ARIH1: variants seen among roughly 807,000 people sequenced by gnomAD.
ARIH1 encodes the protein ariadne RBR E3 ubiquitin protein ligase 1.
In ARIH1, 8 loss-of-function variants were observed where a neutral mutation model predicts 85.0. The observed-to-expected ratio is 0.09, with a 90% CI of 0.06 to 0.17. The LOEUF (loss-of-function observed/expected upper bound fraction) is 0.17. ARIH1 is among the 10% of genes least tolerant of loss of function. ARIH1 has a pLI of 1.00. For synonymous variants in ARIH1, 238 were observed against 253.6 expected, an observed-to-expected ratio of 0.94 and a Z score of 0.59; for missense variants, 311 against 718.1, an observed-to-expected ratio of 0.43 and a Z score of 6.48.
At position 72,544,866 on chromosome 15, in the gene ARIH1, A is replaced by G; in HGVS notation, c.490A>G (p.Ile164Val). The G allele has an allele frequency of 6.2e-7, 1 of 1,613,690 alleles. No individual in the cohort carries two copies. The highest frequency in any genetic ancestry group is 8.5e-7 in the Non-Finnish European group (1 of 1,179,652). Residue 164 changes from isoleucine to valine, a missense_variant, in exon 3 of 14, where the codon ATT (isoleucine) becomes GTT (valine). Around this residue, in one of 3 missense-constraint regions of ARIH1, gnomAD observed 104 missense variants for 221.4 expected, o/e 0.47. Coordinates refer to ENST00000379887, the MANE Select transcript of ARIH1 (RefSeq NM_005744.5). Reference protein sequence around the residue: ...LEKLFAECHVINPSKKSRTRQ... With the variant: ...LEKLFAECHVVNPSKKSRTRQ... ...GAAGCTCTTTGCTGAGTGTCATGTA[A>G]TTAATCCAAGTAAAAAGTCTCGAAC...
At chr15:72,520,173 CT>C (rs1331348569) in intron 2 of ARIH1, among the ~76,000 whole-genome samples, 2 of 152,126 alleles carry the variant, frequency 1.3e-5, no homozygotes, top group Non-Finnish European at 2.9e-5. Flanking sequence ...TTCTGGGAAA[CT>C]TCTGAGTATG....
Position 72,524,897 on chromosome 15 carries a change from C to A in ARIH1, c.443+6763C>A, listed in dbSNP as rs1471163602. Reference sequence around the variant, plus strand: ...CTCTTAGTAGGATTTCTCTTTTTTTCCTTTTGAGACAGGGTCTCACTCTGT... The same window carrying A: ...CTCTTAGTAGGATTTCTCTTTTTTTACTTTTGAGACAGGGTCTCACTCTGT... On this transcript the variant is annotated intron_variant, in intron 2 of 13. Transcript: ENST00000379887. 4.0e-5 allele frequency among the ~76,000 whole-genome samples: 6 copies of A among 151,624 alleles called. No homozygotes were observed. In the East Asian group the frequency reaches 7.8e-4, roughly 20 times the overall value.
intron 2 of ARIH1, among the ~76,000 whole-genome samples, chr15:72,533,998 C>T (rs2064069892): frequency 6.6e-6 from 1 of 152,036 alleles, no homozygotes; most frequent in Non-Finnish European, 1.5e-5. Flanking sequence ...CACTATTACA[C>T]TAGATAGATA....
chr15:72,545,083 C>T, intron 3 of ARIH1, 119 bp downstream of exon 3: 1 of 846,828 alleles, frequency 1.2e-6, no homozygotes, highest in South Asian at 3.6e-5. Flanking sequence ...TAAGCCATAA[C>T]CTATCAATGT....
In ARIH1 at chr15:72,529,287, G is replaced by T. The variant is rs2064044999; in HGVS notation, c.443+11153G>T. 5.3e-5 allele frequency among the ~76,000 whole-genome samples: 8 copies of T among 152,274 alleles called. No individual in the cohort carries two copies. In the South Asian group the frequency reaches 1.2e-3, roughly 24 times the overall value. Reference sequence around the variant, plus strand: ...TCCCCCTATCTCACTATCTCACCTAGACTGGAGTGCAGTGGCGTGATCACA... The same window carrying T: ...TCCCCCTATCTCACTATCTCACCTATACTGGAGTGCAGTGGCGTGATCACA... On this transcript the variant is annotated intron_variant, in intron 2 of 13. Coordinates refer to ENST00000379887, the MANE Select transcript of ARIH1 (RefSeq NM_005744.5).
chr15:72,532,338 TG>T (rs1183340006), intron 2 of ARIH1, among the ~76,000 whole-genome samples: 1 of 151,608 alleles, frequency 6.6e-6, no homozygotes, highest in East Asian at 1.9e-4. Context: ...ATAGACGAAA[TG>T]GGTAGATTCC....
chr15:72,491,674 C>T (rs900720299), intron 1 of ARIH1, among the ~76,000 whole-genome samples: 13 of 152,112 alleles, frequency 8.5e-5, no homozygotes, highest in Non-Finnish European at 1.8e-4. Context: ...TTAACCCTTC[C>T]CTCATTCTCT....
chr15:72,494,279 C>T (rs1384165768), intron 1 of ARIH1, among the ~76,000 whole-genome samples: 1 of 152,052 alleles, frequency 6.6e-6, no homozygotes, highest in African/African-American at 2.4e-5. Context: ...AATTATAATG[C>T]GACGCTTTGT....
In ARIH1 at chr15:72,595,110, A is replaced by G. The variant is rs1244536244; in HGVS notation, c.*11818A>G. On this transcript the variant is annotated 3_prime_UTR_variant, in exon 14 of 14. Coordinates refer to ENST00000379887, the MANE Select transcript of ARIH1 (RefSeq NM_005744.5). ...TATGTATTTCTCTTTTTATTTTGTT[A>G]AGATGGTATGTTACAGGGGTTGGCA... 1 of 152,024 alleles carries G rather than the reference A, an allele frequency of 6.6e-6. No individual in the cohort carries two copies. The highest frequency in any genetic ancestry group is 2.4e-5 in the African/African-American group (1 of 41,396). 9.4% of individuals were successfully genotyped at this position (152,024 alleles called of 1,614,324 possible).
At chr15:72,557,948 G>C (rs775018578) in intron 5 of ARIH1, among the ~76,000 whole-genome samples, 14 of 152,220 alleles carry the variant, frequency 9.2e-5, no homozygotes, top group Non-Finnish European at 1.9e-4. Flanking sequence ...TTTTGGCAGA[G>C]TCTTTAGGGT....
At chr15:72,537,099 G>T (rs1274566062) in intron 2 of ARIH1, among the ~76,000 whole-genome samples, 2 of 151,086 alleles carry the variant, frequency 1.3e-5, no homozygotes, top group African/African-American at 2.5e-5. Context: ...CATTTTTGTT[G>T]TTGTTGTTGT....
chr15:72,494,839 A>T (rs1016094120), intron 1 of ARIH1, among the ~76,000 whole-genome samples: 4 of 151,812 alleles, frequency 2.6e-5, no homozygotes, highest in Non-Finnish European at 5.9e-5. Flanking sequence ...AAAAAAAAAA[A>T]ACTTAGTGAT....
intron 2 of ARIH1, among the ~76,000 whole-genome samples, chr15:72,520,371 A>G (rs74791283): frequency 2.7e-5 from 4 of 150,590 alleles, no homozygotes; most frequent in African/African-American, 9.8e-5. Flanking sequence ...TTTTTTTTAA[A>G]GCATTTGACT....
chr15:72,535,134 G>T (rs994921616), intron 2 of ARIH1, among the ~76,000 whole-genome samples: 2 of 150,354 alleles, frequency 1.3e-5, no homozygotes, highest in Admixed American at 6.7e-5. Context: ...TGTATTTTTA[G>T]TAGAGACGGG....
At chr15:72,477,933 C>T (rs2063800976) in intron 1 of ARIH1, among the ~76,000 whole-genome samples, 1 of 151,932 alleles carries the variant, frequency 6.6e-6, no homozygotes. Flanking sequence ...CAGCTTCCCC[C>T]CCTACCCCAG....
chr15:72,506,732 G>T (rs528594831), intron 1 of ARIH1, among the ~76,000 whole-genome samples: 1 of 152,126 alleles, frequency 6.6e-6, no homozygotes, highest in East Asian at 1.9e-4. Flanking sequence ...GAGGTTTAAG[G>T]TGGTGCCTCT....
chr15:72,478,169 G>A (rs2063801935), intron 1 of ARIH1, among the ~76,000 whole-genome samples: 1 of 152,082 alleles, frequency 6.6e-6, no homozygotes, highest in South Asian at 2.1e-4. Context: ...AGGTTGGAGT[G>A]CAGTGGCGTG....
At position 72,602,279 on chromosome 15, in the gene ARIH1, C is replaced by T. The variant is rs961519819; in HGVS notation, c.*18987C>T. On this transcript the variant is annotated 3_prime_UTR_variant, in exon 14 of 14. Coordinates refer to ENST00000379887, the MANE Select transcript of ARIH1 (RefSeq NM_005744.5). Reference sequence around the variant, plus strand: ...TCTCAATGGAAGTTTTATGAATTCCCACTAGTGAATGCATTTGTCCTCACA... The same window carrying T: ...TCTCAATGGAAGTTTTATGAATTCCTACTAGTGAATGCATTTGTCCTCACA... The T allele has an allele frequency of 6.6e-6, 1 of 152,172 alleles. No individual in the cohort carries two copies. The highest frequency in any genetic ancestry group is 2.4e-5 in the African/African-American group (1 of 41,422). The allele number at this position is 152,172 out of a possible 1,614,324, so 9.4% of individuals were successfully genotyped here.
At position 72,595,657 on chromosome 15, in the gene ARIH1, C is replaced by T. The variant is rs1294002709; in HGVS notation, c.*12365C>T. 1 of 151,478 alleles carries T rather than the reference C, an allele frequency of 6.6e-6. No homozygotes were observed. Among genetic ancestry groups the T allele is most frequent in the African/African-American group, 2.4e-5 (1 of 41,198 alleles). The allele number at this position is 151,478 out of a possible 1,614,324, so 9.4% of individuals were successfully genotyped here. A position where few individuals can be genotyped will look rare whatever the true frequency, so the allele number is the denominator to read the frequency against. On this transcript the variant is annotated 3_prime_UTR_variant, in exon 14 of 14. Coordinates refer to ENST00000379887, the MANE Select transcript of ARIH1 (RefSeq NM_005744.5). ...CCACAGCTGGCTAATTTTTCTTTTT[C>T]ATTTTTGTAGACATGGAGTCTTGAT...
Sources: allele counts gnomAD v4.1 joint callset (sites outside exome capture counted in the v4.1 genomes callset), GRCh38; gene constraint gnomAD v4.1.1; regional missense constraint gnomAD v4.1.1; transcripts MANE v1.5; gene names NCBI Gene and HGNC (gene_info 2026-07-23, HGNC 2026-07-21).